The following EXOC1 variants were observed in gnomAD, a reference collection of about 807,000 sequenced individuals.
EXOC1 encodes the protein exocyst complex component 1, also known as SEC3-like 1.
In EXOC1, 67 loss-of-function variants were observed where a neutral mutation model predicts 107.7. The ratio of observed to expected loss-of-function variants is 0.62; its 90% CI spans 0.51 to 0.76. The LOEUF (loss-of-function observed/expected upper bound fraction) is 0.76. EXOC1 is among the 30% of genes least tolerant of loss of function. EXOC1 has a pLI of 0.00. For missense variants in EXOC1, 833 were observed against 1,055.7 expected (o/e 0.79, Z 2.92); for synonymous variants, 348 against 353.5 (o/e 0.98, Z 0.17).
intron 9 of EXOC1, among the ~76,000 whole-genome samples, chr4:55,878,881 G>T (rs775682573): frequency 7.2e-5 from 11 of 152,078 alleles, no homozygotes; most frequent in Non-Finnish European, 1.6e-4. Flanking sequence ...CTCAAGCATG[G>T]GAAAAGATTA....
chr4:55,870,623 A>G (rs1722334588), intron 5 of EXOC1, 55 bp from the exon 6 acceptor site: 2 of 1,205,624 alleles, frequency 1.7e-6, no homozygotes, highest in Non-Finnish European at 2.4e-6. Flanking sequence ...AATAACAAGT[A>G]TGTTTTTTGT....
At chr4:55,879,937 T>C (rs2110352690) in intron 9 of EXOC1, among the ~76,000 whole-genome samples, 1 of 152,256 alleles carries the variant, frequency 6.6e-6, no homozygotes, top group South Asian at 2.1e-4. Flanking sequence ...AAAGATGTTC[T>C]AGAATTGGAA....
intron 11 of EXOC1, 121 bp from the exon 12 acceptor site, chr4:55,890,102 C>T: frequency 1.2e-6 from 1 of 858,788 alleles, no homozygotes; most frequent in South Asian, 1.7e-5. Flanking sequence ...AAGATTTGTG[C>T]ACTAACTAAT....
Position 55,891,323 on chromosome 4 carries a change from A to G in EXOC1, c.1548A>G (p.Glu516=). ...ADRTKFDKIF[E]QVLSELEPLC... ...ACTTTGGTTTTCTTCAGATCTTTGA[A>G]CAGGTACTAAGTGAACTGGAGCCCC... The change falls in exon 13 of 19, where the codon GAA becomes GAG. Residue 516 remains glutamate (E), a synonymous_variant. Transcript: ENST00000381295. 6.2e-7 allele frequency: 1 copy of G among 1,612,896 alleles called. No individual in the cohort carries two copies. Among genetic ancestry groups the G allele is most frequent in the African/African-American group, 1.3e-5 (1 of 75,028 alleles).
chr4:55,857,024 C>T (rs1380722896), intron 1 of EXOC1, among the ~76,000 whole-genome samples: 1 of 151,988 alleles, frequency 6.6e-6, no homozygotes, highest in Non-Finnish European at 1.5e-5. Context: ...ATTTCTGTAT[C>T]TATGGATTTT....
At chr4:55,902,258 T>C (rs1193317130) in intron 17 of EXOC1, 86 bp from the exon 18 acceptor site, 1 of 1,063,624 alleles carries the variant, frequency 9.4e-7, no homozygotes, top group East Asian at 3.1e-5. Context: ...GCATGGTGAT[T>C]ATACACTACT....
At chr4:55,881,064 C>G (rs1723335199) in intron 9 of EXOC1, among the ~76,000 whole-genome samples, 1 of 152,112 alleles carries the variant, frequency 6.6e-6, no homozygotes, top group South Asian at 2.1e-4. Context: ...TTGGCAGGAA[C>G]AGGAAAAACT....
At chr4:55,886,575 CAAAA>C (rs71832369) in intron 10 of EXOC1, among the ~76,000 whole-genome samples, 2 of 96,238 alleles carry the variant, frequency 2.1e-5, no homozygotes, top group East Asian at 2.6e-4. Flanking sequence ...AACAAAAAAA[CAAAA>C]AAAAAAAAAA....
At chr4:55,875,161 T>G (rs539117270) in intron 8 of EXOC1, among the ~76,000 whole-genome samples, 47 of 152,262 alleles carry the variant, frequency 3.1e-4, no homozygotes, top group African/African-American at 9.4e-4. Flanking sequence ...GTTTAGAAAT[T>G]TTTCTCTCAA....
chr4:55,896,138 A>C (rs1319636073), intron 15 of EXOC1, among the ~76,000 whole-genome samples: 1 of 151,866 alleles, frequency 6.6e-6, no homozygotes, highest in East Asian at 1.9e-4. Flanking sequence ...CACGGCCTTG[A>C]TTGTATTTTG....
intron 5 of EXOC1, 68 bp downstream of exon 5, chr4:55,868,591 TTA>T (rs933664382): frequency 1.3e-5 from 18 of 1,413,674 alleles, no homozygotes; most frequent in Admixed American, 5.7e-5. Flanking sequence ...GATGTTCATA[TTA>T]TACTACCTCA....
At chr4:55,880,354 T>C (rs1369781144) in intron 9 of EXOC1, among the ~76,000 whole-genome samples, 1 of 151,992 alleles carries the variant, frequency 6.6e-6, no homozygotes, top group Non-Finnish European at 1.5e-5. Flanking sequence ...CTTGTCTGGC[T>C]AGCTATTTTA....
intron 16 of EXOC1, among the ~76,000 whole-genome samples, chr4:55,898,327 T>C (rs879826786): frequency 1.1e-4 from 16 of 152,156 alleles, no homozygotes; most frequent in Non-Finnish European, 2.2e-4. Flanking sequence ...CTAAAACTTA[T>C]AAAACTTAAG....
At chr4:55,866,760 G>A (rs575029513) in intron 4 of EXOC1, 3 of 541,498 alleles carry the variant, frequency 5.5e-6, no homozygotes, top group South Asian at 8.0e-5. Context: ...TTAACATGAA[G>A]TTCAAATGAG....
At chr4:55,865,054 T>C (rs905582587) in intron 4 of EXOC1, among the ~76,000 whole-genome samples, 3 of 152,314 alleles carry the variant, frequency 2.0e-5, no homozygotes, top group African/African-American at 2.4e-5. Flanking sequence ...ATCTACCTCA[T>C]AGGGTTGTTA....
intron 9 of EXOC1, among the ~76,000 whole-genome samples, chr4:55,882,057 T>C (rs924840028): frequency 1.1e-4 from 17 of 152,270 alleles, no homozygotes; most frequent in African/African-American, 4.1e-4. Context: ...TGAACTAGCA[T>C]TCTAAAGTAC....
At chr4:55,862,819 C>G (rs926842098) in intron 3 of EXOC1, among the ~76,000 whole-genome samples, 5 of 152,052 alleles carry the variant, frequency 3.3e-5, no homozygotes, top group African/African-American at 1.2e-4. Context: ...ATTCTTTTAC[C>G]CTGTAGAACA....
At position 55,870,674 on chromosome 4, in the gene EXOC1, G is replaced by A. The variant is rs373536097; in HGVS notation, c.604-4G>A. 6.2e-7 allele frequency: 1 copy of A among 1,608,948 alleles called. No homozygotes were observed. Among genetic ancestry groups the A allele is most frequent in the Non-Finnish European group, 8.5e-7 (1 of 1,176,432 alleles). ...TTTGTTTGTTTTGGTCTTTAACTTT[G>A]TAGGCTAACATCCAGTCAATCATGG... On this transcript the variant is annotated splice_region_variant and splice_polypyrimidine_tract_variant and intron_variant, in intron 5 of 18. Coordinates refer to ENST00000381295, the MANE Select transcript of EXOC1 (RefSeq NM_001024924.2).
At position 55,853,657 on chromosome 4, in the gene EXOC1, A is replaced by C. The variant is rs1560322631; in HGVS notation, c.-307A>C. 1.3e-5 allele frequency: 2 copies of C among 152,164 alleles called. No individual in the cohort carries two copies. The highest frequency in any genetic ancestry group is 2.4e-5 in the African/African-American group (1 of 41,392). 9.4% of individuals were successfully genotyped at this position (152,164 alleles called of 1,614,324 possible). ...GTCAACTTCCGGCGCGGAGTTTGTC[A>C]CGTGCCCGGATATAGGAAGTGTTGG... On this transcript the variant is annotated 5_prime_UTR_variant, in exon 1 of 19. Transcript: ENST00000381295.
Sources: gnomAD v4.1 joint callset for allele counts (sites outside exome capture counted in the v4.1 genomes callset) on GRCh38, gnomAD v4.1.1 for gene constraint, MANE v1.5 for transcripts, NCBI Gene and HGNC (gene_info 2026-07-23, HGNC 2026-07-21) for gene names.